The following PTPRK variants were observed in gnomAD, a reference collection of about 807,000 sequenced individuals.
The protein encoded by PTPRK is protein tyrosine phosphatase receptor type K.
PTPRK carries 75 observed loss-of-function variants against 178.0 expected under a neutral mutation model. The ratio of observed to expected loss-of-function variants is 0.42; its 90% CI spans 0.35 to 0.51. PTPRK has a LOEUF of 0.51. Ranked by LOEUF, PTPRK falls within the 20% of genes least tolerant of loss-of-function variation. The pLI is 0.02. For missense variants in PTPRK, 1,441 were observed against 1,797.8 expected, an observed-to-expected ratio of 0.80 and a Z score of 3.59; for synonymous variants, 637 against 620.6, an observed-to-expected ratio of 1.03 and a Z score of -0.39.
intron 1 of PTPRK, among the ~76,000 whole-genome samples, chr6:128,470,520 T>C (rs1437343752): frequency 2.6e-5 from 4 of 152,190 alleles, no homozygotes; most frequent in East Asian, 1.9e-4. Context: ...TGCTTTACTA[T>C]AGCACTACCA....
chr6:128,261,960 C>T (rs1414240634), intron 3 of PTPRK, among the ~76,000 whole-genome samples: 1 of 152,100 alleles, frequency 6.6e-6, no homozygotes, highest in Non-Finnish European at 1.5e-5. Context: ...TTTCATGGCA[C>T]CAACAAGCAA....
intron 7 of PTPRK, among the ~76,000 whole-genome samples, chr6:128,111,372 T>C (rs11963164): frequency 0.023 from 3,448 of 152,234 alleles, 120 homozygotes; most frequent in African/African-American, 0.079. Flanking sequence ...AAATATCTGC[T>C]AGAGATCATT....
At chr6:128,252,641 T>C (rs1816647799) in intron 3 of PTPRK, among the ~76,000 whole-genome samples, 1 of 151,970 alleles carries the variant, frequency 6.6e-6, no homozygotes, top group African/African-American at 2.4e-5. Flanking sequence ...CTCAAGAAGG[T>C]TTTGACATAG....
chr6:128,448,907 C>T (rs565833837), intron 1 of PTPRK, among the ~76,000 whole-genome samples: 19 of 152,162 alleles, frequency 1.2e-4, no homozygotes, highest in African/African-American at 2.4e-4. Context: ...TCACCCAGGC[C>T]GGAGCACAAT....
At chr6:128,474,297 G>T (rs1054216068) in intron 1 of PTPRK, among the ~76,000 whole-genome samples, 1 of 151,758 alleles carries the variant, frequency 6.6e-6, no homozygotes, top group Admixed American at 6.6e-5. Flanking sequence ...ATAGATGAAG[G>T]GTTCTCATAT....
At chr6:128,320,355 T>C (rs1275473856) in intron 3 of PTPRK, among the ~76,000 whole-genome samples, 2 of 152,124 alleles carry the variant, frequency 1.3e-5, no homozygotes, top group Non-Finnish European at 2.9e-5. Flanking sequence ...ACTACATGTA[T>C]GTTATTTCGT....
chr6:128,027,600 GT>G (rs919469964), intron 13 of PTPRK, among the ~76,000 whole-genome samples: 63 of 149,492 alleles, frequency 4.2e-4, no homozygotes, highest in Middle Eastern at 3.4e-3. Context: ...CTTGTTGTAT[GT>G]TTTTTTTTTC....
chr6:128,337,256 C>T (rs1831064187), intron 2 of PTPRK, among the ~76,000 whole-genome samples: 1 of 152,098 alleles, frequency 6.6e-6, no homozygotes, highest in African/African-American at 2.4e-5. Flanking sequence ...AGGGCTATTA[C>T]CTCTCATTAG....
At chr6:128,444,568 T>C (rs1223368229) in intron 1 of PTPRK, among the ~76,000 whole-genome samples, 1 of 152,210 alleles carries the variant, frequency 6.6e-6, no homozygotes, top group East Asian at 1.9e-4. Flanking sequence ...TTTTATCGCT[T>C]TAACTACTGT....
chr6:128,343,591 TA>T (rs1423727290), intron 2 of PTPRK, among the ~76,000 whole-genome samples: 1 of 150,452 alleles, frequency 6.6e-6, no homozygotes, highest in Non-Finnish European at 1.5e-5. Flanking sequence ...AGACAAAAAA[TA>T]AAATAAAGAA....
chr6:128,287,565 G>A (rs1455080937), intron 3 of PTPRK, among the ~76,000 whole-genome samples: 2 of 152,102 alleles, frequency 1.3e-5, no homozygotes, highest in Non-Finnish European at 1.5e-5. Context: ...CCTCTTACCT[G>A]TAAATTCAAC....
At chr6:128,320,867 CT>C (rs1432412460) in intron 3 of PTPRK, among the ~76,000 whole-genome samples, 1 of 152,112 alleles carries the variant, frequency 6.6e-6, no homozygotes, top group Non-Finnish European at 1.5e-5. Context: ...AGATGGCTCT[CT>C]CTGACTGAAG....
intron 5 of PTPRK, among the ~76,000 whole-genome samples, chr6:128,239,647 T>TA (rs1814015820): frequency 6.6e-6 from 1 of 152,206 alleles, no homozygotes; most frequent in African/African-American, 2.4e-5. Flanking sequence ...TAAAATACTT[T>TA]AAAGAATTTA....
At chr6:128,403,159 A>G (rs541542127) in intron 1 of PTPRK, among the ~76,000 whole-genome samples, 1 of 152,360 alleles carries the variant, frequency 6.6e-6, no homozygotes, top group South Asian at 2.1e-4. Flanking sequence ...ATACATGTTC[A>G]TATAATCCAA....
intron 3 of PTPRK, among the ~76,000 whole-genome samples, chr6:128,296,265 C>T (rs1583971946): frequency 6.6e-6 from 1 of 152,062 alleles, no homozygotes; most frequent in African/African-American, 2.4e-5. Context: ...AATATACCCT[C>T]GTCTTCTTCA....
chr6:128,203,151 AAAAAACAAAAAC>A (rs148582999), intron 6 of PTPRK, among the ~76,000 whole-genome samples: 3,887 of 152,264 alleles, frequency 0.026, 102 homozygotes, highest in African/African-American at 0.07. Context: ...ACTAAAGACA[AAAAAACAAAAAC>A]AAAAACAAAA....
At chr6:128,446,368 T>G (rs1358953664) in intron 1 of PTPRK, among the ~76,000 whole-genome samples, 1 of 152,228 alleles carries the variant, frequency 6.6e-6, no homozygotes, top group Non-Finnish European at 1.5e-5. Flanking sequence ...CTGTGTCACT[T>G]ACTCCCAGGT....
At chr6:128,333,181 G>A (rs1487526928) in intron 2 of PTPRK, among the ~76,000 whole-genome samples, 1 of 152,188 alleles carries the variant, frequency 6.6e-6, no homozygotes, top group Admixed American at 6.5e-5. Context: ...AGAGAAGGTA[G>A]TGTGGCCTGT....
rs747546213 is a variant in PTPRK at position 128,067,688 on chromosome 6, C to A, written c.1988G>T (p.Ser663Ile). 1.5e-5 allele frequency: 25 copies of A among 1,613,828 alleles called. No individual in the cohort carries two copies. The highest frequency in any genetic ancestry group is 1.9e-5 in the Non-Finnish European group (23 of 1,179,810). ...AGCAAAGTAATACGGTGCACCCCCA[C>A]TCATGGCATTTTGGTATGTGACAGG... is the stretch of plus-strand genomic sequence containing the variant. ...QVPVTYQNAM[S>I]GGAPYYFAAE... The change falls in exon 12 of 30, where the codon AGT (serine) becomes ATT (isoleucine). Residue 663 changes from serine to isoleucine, a missense_variant. Transcript: ENST00000368226.
Sources: allele counts gnomAD v4.1 joint callset (sites outside exome capture counted in the v4.1 genomes callset), GRCh38; gene constraint gnomAD v4.1.1; transcripts MANE v1.5; gene names NCBI Gene and HGNC (gene_info 2026-07-23, HGNC 2026-07-21).